TPCN1: variants seen among roughly 807,000 people sequenced by gnomAD.
TPCN1 encodes two pore segment channel 1.
TPCN1 carries 52 observed loss-of-function variants against 108.8 expected under a neutral mutation model. The ratio of observed to expected loss-of-function variants is 0.48; its 90% CI spans 0.38 to 0.60. The LOEUF (loss-of-function observed/expected upper bound fraction) is 0.60. Among genes scored for constraint, TPCN1 ranks in the 20% least tolerant of loss-of-function variants. The probability of loss-of-function intolerance (pLI) is 0.00; values close to 1 mark genes in which losing one functional copy is unlikely to be tolerated. For missense variants in TPCN1, 806 were observed against 1,072.8 expected (o/e 0.75, Z 3.47); for synonymous variants, 446 against 433.7 (o/e 1.03, Z -0.35).
chr12:113,269,043 G>A lies in TPCN1; in HGVS notation c.659+171G>A, dbSNP rs138718260. 2.6e-5 allele frequency among the ~76,000 whole-genome samples: 4 copies of A among 152,282 alleles called. No homozygotes were observed. The East Asian group carries it at 5.8e-4, about 22-fold the overall frequency. On this transcript the variant is annotated intron_variant, in intron 6 of 27. Coordinates refer to ENST00000335509, the MANE Select transcript of TPCN1 (RefSeq NM_017901.6). This position sits in a 1 kb window ranked among gnomAD's most constrained non-coding sequence, Gnocchi z 5.0. ...ATTCCATCCACGCACAGGAGAAAGC[G>A]GTATTCCTACCGCAGTGTAGGTTTG...
intron 2 of TPCN1, among the ~76,000 whole-genome samples, chr12:113,259,614 G>A (rs995952480): frequency 3.3e-5 from 5 of 152,194 alleles, no homozygotes; most frequent in African/African-American, 4.8e-5. Context: ...AGAGGCAGCC[G>A]CCAGCAACAA....
chr12:113,221,539 C>T lies in TPCN1; in HGVS notation c.-213C>T, dbSNP rs1953220715. 3.6e-6 allele frequency: 1 copy of T among 280,310 alleles called. No homozygotes were observed. Among genetic ancestry groups the T allele is most frequent in the South Asian group, 3.1e-5 (1 of 32,568 alleles). The allele number at this position is 280,310 out of a possible 1,614,324, so 17.4% of individuals were successfully genotyped here. ...GCGGCTGCGGCGGCTGCAACAGCTT[C>T]GGGCTCGGGGTTTTGGCGGCGGCGC... is the stretch of plus-strand genomic sequence containing the variant. On this transcript the variant is annotated 5_prime_UTR_variant, in exon 1 of 28. Transcript: ENST00000335509.
intron 2 of TPCN1, among the ~76,000 whole-genome samples, chr12:113,243,313 TGA>T (rs1184746499): frequency 1.3e-5 from 2 of 151,822 alleles, no homozygotes; most frequent in East Asian, 3.9e-4. Flanking sequence ...GAGGTTGCAG[TGA>T]GCCAAGATCG....
intron 2 of TPCN1, among the ~76,000 whole-genome samples, chr12:113,233,589 T>C (rs1367565786): frequency 6.6e-6 from 1 of 152,242 alleles, no homozygotes; most frequent in Non-Finnish European, 1.5e-5. Context: ...GTGAATCCTC[T>C]GGTTCGGACA....
At chr12:113,263,558 G>T (rs543394441) in intron 3 of TPCN1, among the ~76,000 whole-genome samples, 1 of 152,366 alleles carries the variant, frequency 6.6e-6, no homozygotes, top group South Asian at 2.1e-4. Flanking sequence ...TCTGTGCCCG[G>T]CTCAAGATGG....
At chr12:113,279,372 TA>T (rs1566189295) in intron 14 of TPCN1, among the ~76,000 whole-genome samples, 257 of 27,966 alleles carry the variant, frequency 9.2e-3, no homozygotes, top group Non-Finnish European at 0.014. Flanking sequence ...TATATATATA[TA>T]TATATATATA....
intron 7 of TPCN1, among the ~76,000 whole-genome samples, chr12:113,270,982 G>A (rs1955475239): frequency 6.6e-6 from 1 of 152,130 alleles, no homozygotes. Flanking sequence ...AATACGCCAG[G>A]CATGGTGTCC....
chr12:113,237,730 C>T (rs997806312), intron 2 of TPCN1, among the ~76,000 whole-genome samples: 5 of 152,218 alleles, frequency 3.3e-5, no homozygotes, highest in African/African-American at 1.2e-4. Flanking sequence ...TTCATAGGCT[C>T]ACCTGGCCTG....
chr12:113,272,800 G>C lies in TPCN1; in HGVS notation c.783+108G>C. ...CATATGGGGAAGGGGGGGCCTGCCT[G>C]GTTTCTCATCATAGCTTGTGTGTGC... On this transcript the variant is annotated intron_variant, in intron 8 of 27. Transcript: ENST00000335509. This position sits in a 1 kb window ranked among gnomAD's most constrained non-coding sequence, Gnocchi z 4.1. The C allele has an allele frequency of 9.0e-7, 1 of 1,106,934 alleles. No individual in the cohort carries two copies. Among genetic ancestry groups the C allele is most frequent in the Non-Finnish European group, 1.4e-6 (1 of 720,166 alleles). 68.6% of individuals were successfully genotyped at this position (1,106,934 alleles called of 1,614,324 possible). A position where few individuals can be genotyped will look rare whatever the true frequency, so the allele number is the denominator to read the frequency against.
At chr12:113,292,034 TC>T in intron 25 of TPCN1, 76 bp downstream of exon 25, 1 of 1,279,720 alleles carries the variant, frequency 7.8e-7, no homozygotes, top group Non-Finnish European at 1.1e-6. Flanking sequence ...TGGGTGGCTG[TC>T]CAGCCAGCCA....
At position 113,227,809 on chromosome 12, in the gene TPCN1, C is replaced by T. The variant is rs578074340; in HGVS notation, c.112+845C>T. Among the ~76,000 whole-genome samples the T allele has an allele frequency of 1.6e-4, 24 of 152,278 alleles. 1 individual carries two copies. Among genetic ancestry groups the T allele is most frequent in the African/African-American group, 5.3e-4 (22 of 41,572 alleles). On this transcript the variant is annotated intron_variant, in intron 2 of 27. Coordinates refer to ENST00000335509, the MANE Select transcript of TPCN1 (RefSeq NM_017901.6). ...CAAGGAGAGACGAGCCAGGCTCTCCCGTCTCATTTGTCCAGGGAGAATTCA... is the reference window on the plus strand; with the variant it reads ...CAAGGAGAGACGAGCCAGGCTCTCCTGTCTCATTTGTCCAGGGAGAATTCA...
Position 113,293,336 on chromosome 12 carries a change from A to T in TPCN1, c.2321A>T (p.Gln774Leu). 1 of 1,614,012 alleles carries T rather than the reference A, an allele frequency of 6.2e-7. No individual in the cohort carries two copies. ...AGCGACCTGAGCCTGAAGATGTACC[A>T]GGAGGAGATCCAGGTAGGAGCCTGG... ...TKSDLSLKMYQEEIQEWYEEH... is the reference protein window; with the variant it reads ...TKSDLSLKMYLEEIQEWYEEH... Residue 774 changes from glutamine (Q) to leucine (L), a missense_variant, in exon 27 of 28, where the codon CAG becomes CTG. Coordinates refer to ENST00000335509, the MANE Select transcript of TPCN1 (RefSeq NM_017901.6).
In TPCN1 at chr12:113,298,356, C is replaced by T. The variant is rs973416703; in HGVS notation, c.*2280C>T. 7 of 152,350 alleles carry T rather than the reference C, an allele frequency of 4.6e-5. No homozygotes were observed. The highest frequency in any genetic ancestry group is 1.9e-4 in the East Asian group (1 of 5,194). The allele number at this position is 152,350 out of a possible 1,614,324, so 9.4% of individuals were successfully genotyped here. ...GTTGAGTGCACCCAAGTGGCACCCA[C>T]TGGCGGCCAGGGGCACAGCCTGGTG... On this transcript the variant is annotated 3_prime_UTR_variant, in exon 28 of 28. Coordinates refer to ENST00000335509, the MANE Select transcript of TPCN1 (RefSeq NM_017901.6).
chr12:113,278,085 C>T, intron 12 of TPCN1, 104 bp from the exon 13 acceptor site: 1 of 934,530 alleles, frequency 1.1e-6, no homozygotes, highest in Non-Finnish European at 1.7e-6. Flanking sequence ...CCCTCTCTTC[C>T]TCCCTCACCC....
intron 1 of TPCN1, among the ~76,000 whole-genome samples, chr12:113,223,354 G>T (rs958578475): frequency 2.0e-5 from 3 of 151,890 alleles, no homozygotes; most frequent in Admixed American, 6.6e-5. Context: ...GGCAAAGTGG[G>T]TTGAGCCCAG....
At chr12:113,263,362 G>A (rs572237045) in intron 3 of TPCN1, among the ~76,000 whole-genome samples, 2 of 152,292 alleles carry the variant, frequency 1.3e-5, no homozygotes, top group South Asian at 4.1e-4. Flanking sequence ...CCAGGTTCAG[G>A]TGATTCTCCT....
chr12:113,266,293 G>A lies in TPCN1; in HGVS notation c.351G>A (p.Leu117=), dbSNP rs770180464. 3 of 1,603,734 alleles carry A rather than the reference G, an allele frequency of 1.9e-6. No homozygotes were observed. The highest frequency in any genetic ancestry group is 1.7e-5 in the Admixed American group (1 of 59,726). The change falls in exon 4 of 28, where the codon CTG becomes CTA. Residue 117 remains leucine, a synonymous_variant. Coordinates refer to ENST00000335509, the MANE Select transcript of TPCN1 (RefSeq NM_017901.6). The surrounding 1 kb of genome is among the most constrained non-coding windows in gnomAD (Gnocchi z 4.2). ...LFYLMELATA[L]LLLLLSLCEA... The stretch of plus-strand genomic sequence containing the variant: ...ACCTGATGGAGCTGGCCACGGCCCT[G>A]CTGCTGCTGCTGCTCTCCCTGTGCG...
chr12:113,245,804 G>T, intron 2 of TPCN1: 2 of 378,696 alleles, frequency 5.3e-6, no homozygotes, highest in South Asian at 1.9e-5. Context: ...GCTGGGTGAG[G>T]GGTGGGTCGT....
At chr12:113,290,846 C>A in intron 22 of TPCN1, 106 bp from the exon 23 acceptor site, 1 of 1,077,678 alleles carries the variant, frequency 9.3e-7, no homozygotes, top group South Asian at 1.3e-5. Flanking sequence ...TATGGTGACC[C>A]TCTCATCTTA....
Sources: allele counts gnomAD v4.1 joint callset (sites outside exome capture counted in the v4.1 genomes callset), GRCh38; gene constraint gnomAD v4.1.1; non-coding constraint Gnocchi (gnomAD v3.1); transcripts MANE v1.5; gene names NCBI Gene and HGNC (gene_info 2026-07-23, HGNC 2026-07-21).